The following ASTN2 variants were observed in gnomAD, a reference collection of about 807,000 sequenced individuals.
ASTN2 encodes the protein astrotactin-2.
A neutral mutation model predicts 139.8 loss-of-function variants in ASTN2; 54 were observed. The observed-to-expected ratio is 0.39, with a 90% CI of 0.31 to 0.48. ASTN2 has a LOEUF of 0.48. Among genes scored for constraint, ASTN2 ranks in the 20% least tolerant of loss-of-function variants. The pLI is 0.95. For missense variants in ASTN2, 1,565 were observed against 1,725.1 expected, an observed-to-expected ratio of 0.91 and a Z score of 1.64; for synonymous variants, 756 against 719.5, an observed-to-expected ratio of 1.05 and a Z score of -0.81.
intron 16 of ASTN2, among the ~76,000 whole-genome samples, chr9:116,707,285 CAA>C (rs766053427): frequency 9.9e-5 from 6 of 60,622 alleles, no homozygotes; most frequent in East Asian, 1.1e-3. Flanking sequence ...GCCCCCTGAC[CAA>C]AAAAAAAAAA....
intron 16 of ASTN2, among the ~76,000 whole-genome samples, chr9:116,716,621 G>A (rs1234850188): frequency 6.6e-6 from 1 of 152,142 alleles, no homozygotes; most frequent in Non-Finnish European, 1.5e-5. Context: ...CTTTTCCACT[G>A]AGCAGAGTCC....
intron 1 of ASTN2, among the ~76,000 whole-genome samples, chr9:117,410,004 G>A (rs564652670): frequency 2.0e-3 from 307 of 152,276 alleles, no homozygotes; most frequent in African/African-American, 7.1e-3. Flanking sequence ...CCAGCTCTAC[G>A]CATGCAGGTG....
intron 13 of ASTN2, among the ~76,000 whole-genome samples, chr9:116,756,807 A>C (rs999675414): frequency 2.0e-5 from 3 of 151,996 alleles, no homozygotes; most frequent in Admixed American, 2.0e-4. Context: ...ACATACACAC[A>C]CACTTGGTCA....
At chr9:117,377,717 T>TCAATAGGAATATAG (rs58781877) in intron 1 of ASTN2, among the ~76,000 whole-genome samples, 125,607 of 151,080 alleles carry the variant, frequency 0.83, 52,408 homozygotes, top group East Asian at 0.98. Context: ...TAAATGTCCA[T>TCAATAGGAATATAG]CAATAGGAAA....
At chr9:117,056,083 G>C (rs1041481749) in intron 5 of ASTN2, among the ~76,000 whole-genome samples, 2 of 152,150 alleles carry the variant, frequency 1.3e-5, no homozygotes, top group East Asian at 3.9e-4. Flanking sequence ...TAAGTAAGCT[G>C]GGAACAGATC....
intron 16 of ASTN2, among the ~76,000 whole-genome samples, chr9:116,711,486 G>C (rs12352766): frequency 1.3e-5 from 2 of 152,128 alleles, no homozygotes; most frequent in African/African-American, 4.8e-5. Flanking sequence ...CATGTATGCA[G>C]CTACATACCA....
intron 20 of ASTN2, among the ~76,000 whole-genome samples, chr9:116,479,224 G>A (rs868189174): frequency 3.3e-5 from 5 of 152,146 alleles, no homozygotes; most frequent in Admixed American, 6.5e-5. Context: ...AAGCCCTGGA[G>A]GGCTCCTGAT....
intron 1 of ASTN2, among the ~76,000 whole-genome samples, chr9:117,392,646 G>A (rs891426592): frequency 6.6e-6 from 1 of 152,216 alleles, no homozygotes; most frequent in African/African-American, 2.4e-5. Flanking sequence ...TGTTAGCTTA[G>A]CTCAAATGCT....
intron 3 of ASTN2, among the ~76,000 whole-genome samples, chr9:117,208,685 C>G (rs78508430): frequency 3.9e-5 from 6 of 152,098 alleles, no homozygotes; most frequent in African/African-American, 1.4e-4. Context: ...AGGCATCTTA[C>G]AGTCAAGTTG....
intron 13 of ASTN2, 140 bp downstream of exon 13, chr9:116,805,492 C>T (rs1831006331): frequency 3.9e-6 from 3 of 761,150 alleles, no homozygotes; most frequent in East Asian, 5.0e-5. Flanking sequence ...TTCCACACTC[C>T]TTAAGAGGGT....
At position 116,698,615 on chromosome 9, in the gene ASTN2, T is replaced by A; in HGVS notation, c.2806+27156A>T. 1 of 1,614,058 alleles carries A rather than the reference T, an allele frequency of 6.2e-7. No individual in the cohort carries two copies. On this transcript the variant is annotated intron_variant, in intron 16 of 22. Coordinates refer to ENST00000313400, the MANE Select transcript of ASTN2 (RefSeq NM_001365068.1). This position sits in a 1 kb window ranked among gnomAD's most constrained non-coding sequence, Gnocchi z 4.4. ...TAGGTCATGTTGGCCCCCTCCAAAT[T>A]GGACAAGCTGTTAAGAAGCCCCGGA...
chr9:116,971,647 G>A (rs1836206188), intron 10 of ASTN2, among the ~76,000 whole-genome samples: 2 of 152,116 alleles, frequency 1.3e-5, no homozygotes, highest in Admixed American at 1.3e-4. Flanking sequence ...AGCAACTATC[G>A]ATTTTCAGTT....
At chr9:117,091,516 C>T (rs1045370046) in intron 5 of ASTN2, among the ~76,000 whole-genome samples, 1 of 152,118 alleles carries the variant, frequency 6.6e-6, no homozygotes, top group African/African-American at 2.4e-5. Context: ...GGGAAATTAA[C>T]TCAGGTATGG....
chr9:116,565,423 A>ACATATTTATT (rs1853174938), intron 19 of ASTN2, among the ~76,000 whole-genome samples: 1 of 67,726 alleles, frequency 1.5e-5, no homozygotes, highest in Non-Finnish European at 2.9e-5. Context: ...ATATATATAT[A>ACATATTTATT]TATATATTTA....
intron 19 of ASTN2, among the ~76,000 whole-genome samples, chr9:116,536,148 C>T (rs984526400): frequency 2.6e-5 from 4 of 152,034 alleles, no homozygotes; most frequent in Admixed American, 6.6e-5. Flanking sequence ...CTGATCAAAT[C>T]GGCTACTGAA....
At chr9:116,794,094 A>AC (rs1554747279) in intron 13 of ASTN2, among the ~76,000 whole-genome samples, 1 of 115,982 alleles carries the variant, frequency 8.6e-6, no homozygotes, top group Non-Finnish European at 1.8e-5. Flanking sequence ...AAAAATAAAC[A>AC]CCTTTTTTTT....
intron 3 of ASTN2, among the ~76,000 whole-genome samples, chr9:117,177,187 T>C (rs1030282498): frequency 6.6e-6 from 1 of 152,212 alleles, no homozygotes; most frequent in East Asian, 1.9e-4. Flanking sequence ...TAGAGTGAAC[T>C]ACAATGAGGT....
chr9:116,963,749 T>A (rs1835930822), intron 10 of ASTN2, among the ~76,000 whole-genome samples: 1 of 152,186 alleles, frequency 6.6e-6, no homozygotes, highest in African/African-American at 2.4e-5. Flanking sequence ...GAGGCTGACT[T>A]TGATGGATGG....
intron 13 of ASTN2, among the ~76,000 whole-genome samples, chr9:116,737,316 C>T (rs1033153486): frequency 2.0e-5 from 3 of 152,120 alleles, no homozygotes; most frequent in African/African-American, 4.8e-5. Flanking sequence ...GGGAAAGTTC[C>T]GCTGGGCTGA....
Sources: allele counts gnomAD v4.1 joint callset (sites outside exome capture counted in the v4.1 genomes callset), GRCh38; gene constraint gnomAD v4.1.1; non-coding constraint Gnocchi (gnomAD v3.1); transcripts MANE v1.5; gene names NCBI Gene and HGNC (gene_info 2026-07-23, HGNC 2026-07-21).